The following KCND3 variants were observed in gnomAD, a reference collection of about 807,000 sequenced individuals.
KCND3 encodes potassium voltage-gated channel subfamily D member 3, also known as A-type voltage-gated potassium channel KCND3.
In KCND3, 9 loss-of-function variants were observed where a neutral mutation model predicts 51.1. That is an observed-to-expected ratio of 0.18 (90% CI 0.11 to 0.31). KCND3 has a LOEUF of 0.31. Among genes scored for constraint, KCND3 ranks in the 10% least tolerant of loss-of-function variants. KCND3 has a pLI of 1.00. For synonymous variants in KCND3, 349 were observed against 368.0 expected, an observed-to-expected ratio of 0.95 and a Z score of 0.59; for missense variants, 526 against 903.8, an observed-to-expected ratio of 0.58 and a Z score of 5.36.
chr1:111,876,358 G>A (rs1395098452), intron 2 of KCND3, among the ~76,000 whole-genome samples: 1 of 122,012 alleles, frequency 8.2e-6, no homozygotes, highest in Non-Finnish European at 1.8e-5. Flanking sequence ...ACTCAGTGGC[G>A]TGCATTTGCC....
chr1:111,937,170 A>G (rs542892036), intron 2 of KCND3, among the ~76,000 whole-genome samples: 1 of 152,256 alleles, frequency 6.6e-6, no homozygotes, highest in African/African-American at 2.4e-5. Flanking sequence ...ATTTCCTGAG[A>G]TAAGGAACAA....
chr1:111,965,472 A>ACACACACACACACACACACACC (rs1673926106), intron 2 of KCND3, among the ~76,000 whole-genome samples: 1 of 149,894 alleles, frequency 6.7e-6, no homozygotes, highest in Non-Finnish European at 1.5e-5. Context: ...ACACACACAC[A>ACACACACACACACACACACACC]CACACACACA....
At chr1:111,916,393 A>G (rs983381626) in intron 2 of KCND3, among the ~76,000 whole-genome samples, 1 of 152,228 alleles carries the variant, frequency 6.6e-6, no homozygotes, top group Non-Finnish European at 1.5e-5. Flanking sequence ...ACAATATACC[A>G]AAGTCAATGG....
chr1:111,888,077 A>G (rs1669649535), intron 2 of KCND3, among the ~76,000 whole-genome samples: 1 of 152,218 alleles, frequency 6.6e-6, no homozygotes, highest in South Asian at 2.1e-4. Context: ...GAGAGGGCAG[A>G]GGAGCTGGGA....
chr1:111,913,155 CACAA>C (rs1306543419), intron 2 of KCND3, among the ~76,000 whole-genome samples: 1 of 152,168 alleles, frequency 6.6e-6, no homozygotes, highest in East Asian at 1.9e-4. Context: ...TGTTTAGATA[CACAA>C]ACAATTACCA....
At chr1:111,966,437 G>A (rs1351297880) in intron 2 of KCND3, among the ~76,000 whole-genome samples, 3 of 152,120 alleles carry the variant, frequency 2.0e-5, no homozygotes. Flanking sequence ...GTAGGGCTGG[G>A]GTGGTAGGAG....
chr1:111,815,598 C>T (rs2101584620), intron 2 of KCND3, among the ~76,000 whole-genome samples: 2 of 151,038 alleles, frequency 1.3e-5, no homozygotes, highest in South Asian at 2.1e-4. Context: ...TCCCCCTTAC[C>T]TGTGATGTTT....
At chr1:111,815,134 G>T (rs542093017) in intron 2 of KCND3, among the ~76,000 whole-genome samples, 1 of 152,096 alleles carries the variant, frequency 6.6e-6, no homozygotes, top group Admixed American at 6.5e-5. Flanking sequence ...TCAGAGCCTT[G>T]GTGGTAGAAC....
At chr1:111,895,440 GT>G (rs1670061792) in intron 2 of KCND3, among the ~76,000 whole-genome samples, 1 of 152,240 alleles carries the variant, frequency 6.6e-6, no homozygotes, top group South Asian at 2.1e-4. Context: ...ATTTTTTAAA[GT>G]TGGAAGAACA....
chr1:111,818,040 G>GCACACA (rs59035556), intron 2 of KCND3, among the ~76,000 whole-genome samples: 1,780 of 148,062 alleles, frequency 0.012, 21 homozygotes, highest in East Asian at 0.04. Context: ...ACACGCGCGT[G>GCACACA]CACACACACA....
intron 3 of KCND3, among the ~76,000 whole-genome samples, chr1:111,785,373 C>T (rs570472155): frequency 1.3e-5 from 2 of 152,218 alleles, no homozygotes; most frequent in South Asian, 4.1e-4. Context: ...GTAAGATTTC[C>T]ATTTCTGGGA....
chr1:111,968,599 C>A (rs1674146490), intron 2 of KCND3, among the ~76,000 whole-genome samples: 1 of 152,184 alleles, frequency 6.6e-6, no homozygotes, highest in Non-Finnish European at 1.5e-5. Flanking sequence ...CCAGGAGGAT[C>A]TTCCTCCCCT....
intron 2 of KCND3, among the ~76,000 whole-genome samples, chr1:111,832,700 G>A (rs971198070): frequency 4.6e-5 from 7 of 152,050 alleles, no homozygotes; most frequent in African/African-American, 1.7e-4. Flanking sequence ...ACCCCGCCCA[G>A]AATGCAGTGG....
chr1:111,855,677 G>A (rs1475518531), intron 2 of KCND3, among the ~76,000 whole-genome samples: 3 of 152,240 alleles, frequency 2.0e-5, no homozygotes, highest in South Asian at 4.2e-4. Context: ...TCTCACCTTA[G>A]ACCTTTTCCA....
At chr1:111,950,806 G>T (rs1197830563) in intron 2 of KCND3, among the ~76,000 whole-genome samples, 1 of 152,198 alleles carries the variant, frequency 6.6e-6, no homozygotes, top group Non-Finnish European at 1.5e-5. Flanking sequence ...GCGACAAAGA[G>T]GACCCCAAGT....
chr1:111,830,519 C>T (rs1294467300), intron 2 of KCND3, among the ~76,000 whole-genome samples: 3 of 152,200 alleles, frequency 2.0e-5, no homozygotes, highest in Non-Finnish European at 2.9e-5. Flanking sequence ...TAAGGAGGCC[C>T]TCACTCTCAG....
chr1:111,898,763 G>A (rs1016006416), intron 2 of KCND3, among the ~76,000 whole-genome samples: 3 of 152,150 alleles, frequency 2.0e-5, no homozygotes, highest in South Asian at 4.1e-4. Context: ...AGAGTGTGGG[G>A]TCCAGACAGC....
Position 111,775,430 on chromosome 1 carries a change from G to A in KCND3, c.*647C>T, listed in dbSNP as rs1465861514. 6.2e-6 allele frequency: 1 copy of A among 160,094 alleles called. No individual in the cohort carries two copies. The highest frequency in any genetic ancestry group is 5.8e-5 in the Admixed American group (1 of 17,294). 9.9% of individuals were successfully genotyped at this position (160,094 alleles called of 1,614,324 possible). A position where few individuals can be genotyped will look rare whatever the true frequency, so the allele number is the denominator to read the frequency against. On this transcript the variant is annotated 3_prime_UTR_variant, in exon 8 of 8. Transcript: ENST00000302127. ...TTGACCTCACCCACCTGGGGGAATG[G>A]AGAGAGAACTCAGCAATAACTGACT...
chr1:111,796,922 C>T (rs1371237926), intron 2 of KCND3, among the ~76,000 whole-genome samples: 2 of 152,148 alleles, frequency 1.3e-5, no homozygotes, highest in Non-Finnish European at 1.5e-5. Flanking sequence ...AGAGTCACAG[C>T]CAGTCACAGC....
Sources: allele counts gnomAD v4.1 joint callset (sites outside exome capture counted in the v4.1 genomes callset), GRCh38; gene constraint gnomAD v4.1.1; transcripts MANE v1.5; gene names NCBI Gene and HGNC (gene_info 2026-07-23, HGNC 2026-07-21).